Variants in LIN54 observed in about 807,000 individuals in gnomAD.
The protein encoded by LIN54 is protein lin-54 homolog.
Under a neutral mutation model 78.7 loss-of-function variants are expected in LIN54, and 9 were observed. That is an observed-to-expected ratio of 0.11 (90% confidence interval 0.07 to 0.20). LIN54 has a LOEUF of 0.20. Ranked by LOEUF, LIN54 falls within the 10% of genes least tolerant of loss-of-function variation. The pLI, the probability that LIN54 is intolerant of heterozygous loss-of-function variation, is 1.00. For missense variants in LIN54, 573 were observed against 889.9 expected (o/e 0.64, Z 4.53); for synonymous variants, 269 against 318.4 (o/e 0.84, Z 1.65).
At chr4:82,939,123 T>C (rs983003395) in intron 7 of LIN54, among the ~76,000 whole-genome samples, 1 of 152,234 alleles carries the variant, frequency 6.6e-6, no homozygotes, top group African/African-American at 2.4e-5. Context: ...CACCTGGAAA[T>C]GCATCTCACA....
At chr4:82,998,137 T>A (rs527483347) in intron 1 of LIN54, among the ~76,000 whole-genome samples, 2 of 151,594 alleles carry the variant, frequency 1.3e-5, no homozygotes, top group South Asian at 4.2e-4. Flanking sequence ...CACTGTTCTT[T>A]TCTAGTTACA....
intron 5 of LIN54, among the ~76,000 whole-genome samples, chr4:82,945,771 G>C (rs1723305245): frequency 6.6e-6 from 1 of 152,162 alleles, no homozygotes; most frequent in African/African-American, 2.4e-5. Context: ...TGGGATTACA[G>C]GTGTGAGCCA....
At chr4:82,984,017 A>C (rs1048209184) in intron 2 of LIN54, 144 bp downstream of exon 2, 71 of 630,564 alleles carry the variant, frequency 1.1e-4, no homozygotes, top group Non-Finnish European at 1.7e-4. Flanking sequence ...CAAACTTAAA[A>C]ACACACACAC....
At chr4:82,936,692 C>T (rs1722419897) in intron 9 of LIN54, among the ~76,000 whole-genome samples, 1 of 152,014 alleles carries the variant, frequency 6.6e-6, no homozygotes, top group Non-Finnish European at 1.5e-5. Context: ...ATTTTATGTG[C>T]CCCCAAAGTA....
chr4:83,008,388 C>T (rs1453771869), intron 1 of LIN54, among the ~76,000 whole-genome samples: 1 of 152,176 alleles, frequency 6.6e-6, no homozygotes, highest in Non-Finnish European at 1.5e-5. Context: ...CAGTGGCTCA[C>T]GCCTGTAATC....
At chr4:82,978,747 ACTT>A (rs1726377523) in intron 3 of LIN54, 133 bp downstream of exon 3, 2 of 495,384 alleles carry the variant, frequency 4.0e-6, no homozygotes, top group Admixed American at 7.3e-5. Flanking sequence ...TGAAGCAAAC[ACTT>A]CTTATTAACT....
chr4:82,958,408 T>C (rs1724511601), intron 4 of LIN54, among the ~76,000 whole-genome samples: 1 of 152,212 alleles, frequency 6.6e-6, no homozygotes, highest in Admixed American at 6.5e-5. Context: ...ATATGCATAC[T>C]TCCAGGTCTG....
Position 82,930,879 on chromosome 4 carries a change from C to T in LIN54, c.2048+64G>A. 2.0e-6 allele frequency: 3 copies of T among 1,504,416 alleles called. No homozygotes were observed. The South Asian group carries it at 3.5e-5, about 17-fold the overall frequency. 93.2% of individuals were successfully genotyped at this position (1,504,416 alleles called of 1,614,324 possible). On this transcript the variant is annotated intron_variant, in intron 12 of 12. Transcript: ENST00000340417. ...AAAAATATAAACTCAACTTTGCCCC[C>T]TGAAAAGAAACTTTACCAAAAGTAT...
chr4:82,946,738 C>T (rs1027089229), intron 4 of LIN54, among the ~76,000 whole-genome samples: 3 of 152,088 alleles, frequency 2.0e-5, no homozygotes, highest in Admixed American at 6.5e-5. Context: ...GAAATTATTA[C>T]TTAATTTGCA....
intron 1 of LIN54, among the ~76,000 whole-genome samples, chr4:83,005,333 T>C (rs1204214054): frequency 6.6e-6 from 1 of 152,082 alleles, no homozygotes; most frequent in Non-Finnish European, 1.5e-5. Flanking sequence ...TAAATTGCTA[T>C]TATTAAAAAA....
chr4:82,942,032 G>C (rs1234143778), intron 5 of LIN54, among the ~76,000 whole-genome samples: 1 of 152,212 alleles, frequency 6.6e-6, no homozygotes, highest in East Asian at 1.9e-4. Context: ...TGATGTAAAA[G>C]TAAGGCCTGG....
At chr4:82,969,171 C>G (rs1725453209) in intron 4 of LIN54, among the ~76,000 whole-genome samples, 2 of 152,162 alleles carry the variant, frequency 1.3e-5, no homozygotes, top group Admixed American at 1.3e-4. Context: ...TGTAAAGTAT[C>G]ACCTCAATCC....
rs371385433 is a variant in LIN54, at chr4:82,998,946, G to T, written c.-33+11538C>A. ...TCCACACAAACAAATTATATCATTT[G>T]CAGTGGAGAGAAATGTAAACAAAGA... On this transcript the variant is annotated intron_variant, in intron 1 of 12. Transcript: ENST00000340417. 1.1e-3 allele frequency among the ~76,000 whole-genome samples: 169 copies of T among 152,228 alleles called. 1 individual carries two copies. The highest frequency in any genetic ancestry group is 3.9e-3 in the African/African-American group (161 of 41,562).
intron 9 of LIN54, among the ~76,000 whole-genome samples, 198 bp downstream of exon 9, chr4:82,937,029 G>A (rs1722446832): frequency 6.6e-6 from 1 of 151,740 alleles, no homozygotes; most frequent in South Asian, 2.1e-4. Flanking sequence ...TGTATGGTAA[G>A]GACTCTAAAT....
upstream of LIN54, chr4:83,010,929 A>C: frequency 3.2e-5 from 28 of 864,728 alleles, no homozygotes; most frequent in South Asian, 5.9e-5. Flanking sequence ...TCAAACGCAC[A>C]AGGGCCGTGC....
chr4:83,000,389 G>C (rs372309735), intron 1 of LIN54, among the ~76,000 whole-genome samples: 9 of 152,286 alleles, frequency 5.9e-5, no homozygotes, highest in African/African-American at 2.2e-4. Flanking sequence ...TAAACCCTGA[G>C]CCTTGAAGGG....
At chr4:82,981,220 T>C (rs931401199) in intron 2 of LIN54, among the ~76,000 whole-genome samples, 6 of 152,224 alleles carry the variant, frequency 3.9e-5, no homozygotes, top group Non-Finnish European at 8.8e-5. Flanking sequence ...CTGTGTTGGA[T>C]AGATTCAGGA....
intron 4 of LIN54, among the ~76,000 whole-genome samples, chr4:82,950,245 A>C (rs965556673): frequency 2.0e-5 from 3 of 152,168 alleles, no homozygotes; most frequent in Non-Finnish European, 2.9e-5. Flanking sequence ...GTAGAGATTC[A>C]TGTAATCAAC....
chr4:82,947,227 A>AT (rs1425401118), intron 4 of LIN54, among the ~76,000 whole-genome samples: 8 of 22,884 alleles, frequency 3.5e-4, no homozygotes, highest in East Asian at 1.3e-3. Context: ...ATATATATAT[A>AT]TATATATATT....
Sources: allele counts gnomAD v4.1 joint callset (sites outside exome capture counted in the v4.1 genomes callset), GRCh38; gene constraint gnomAD v4.1.1; transcripts MANE v1.5; gene names NCBI Gene and HGNC (gene_info 2026-07-23, HGNC 2026-07-21).